The following SLC27A2 variants were observed in gnomAD, a reference collection of about 807,000 sequenced individuals.
SLC27A2 encodes the protein long-chain fatty acid transport protein 2.
Under a neutral mutation model 60.0 loss-of-function variants are expected in SLC27A2, and 54 were observed. The ratio of observed to expected loss-of-function variants is 0.90; its 90% confidence interval spans 0.72 to 1.13. The LOEUF (loss-of-function observed/expected upper bound fraction) is 1.13. Ranked by LOEUF, SLC27A2 falls within the 50% of genes most tolerant of loss-of-function variation. The probability of loss-of-function intolerance (pLI) is 0.00; values close to 1 mark genes in which losing one functional copy is unlikely to be tolerated. For missense variants in SLC27A2, 739 were observed against 777.6 expected (o/e 0.95, Z 0.59); for synonymous variants, 297 against 297.6 (o/e 1.00, Z 0.02).
intron 4 of SLC27A2, among the ~76,000 whole-genome samples, chr15:50,213,195 A>G (rs752913840): frequency 6.6e-6 from 1 of 152,236 alleles, no homozygotes; most frequent in Non-Finnish European, 1.5e-5. Context: ...AACAGTGGTT[A>G]AAAGAGACAA....
rs370267354 is a variant in SLC27A2, at chr15:50,203,446, T to A, written c.847+801T>A. ...CAGACTTTACTATTCAAATTGGAGT[T>A]GCCATCCTCTCTCCTTCCAGGAGGA... On this transcript the variant is annotated intron_variant, in intron 3 of 9. Transcript: ENST00000267842. Among the ~76,000 whole-genome samples, 154 of 152,298 alleles carry A rather than the reference T, an allele frequency of 1.0e-3. 1 individual carries two copies. Among genetic ancestry groups the A allele is most frequent in the African/African-American group, 3.4e-3 (143 of 41,570 alleles).
chr15:50,227,130 A>G lies in SLC27A2; in HGVS notation c.1409A>G (p.Asp470Gly). Reference sequence around the variant, plus strand: ...AACAGTGGAGATCTCTTAATGGTTGACCATGAAAATTTCATCTATTTCCAC... The same window carrying G: ...AACAGTGGAGATCTCTTAATGGTTGGCCATGAAAATTTCATCTATTTCCAC... ...YFNSGDLLMV[D>G]HENFIYFHDR... The change falls in exon 7 of 10, where the codon GAC becomes GGC. Residue 470 changes from aspartate (D) to glycine (G), a missense_variant. Asp to Gly is a moderately conservative substitution (Grantham distance 94, BLOSUM62 -1). Coordinates refer to ENST00000267842, the MANE Select transcript of SLC27A2 (RefSeq NM_003645.4). 6.2e-7 allele frequency: 1 copy of G among 1,613,760 alleles called. No individual in the cohort carries two copies. Among genetic ancestry groups the G allele is most frequent in the Non-Finnish European group, 8.5e-7 (1 of 1,179,892 alleles).
chr15:50,203,154 C>A (rs1189145778), intron 3 of SLC27A2, among the ~76,000 whole-genome samples: 1 of 152,004 alleles, frequency 6.6e-6, no homozygotes, highest in Non-Finnish European at 1.5e-5. Flanking sequence ...CACCACTGCA[C>A]TCCAGCCTGG....
At chr15:50,185,904 C>T (rs979400548) in intron 1 of SLC27A2, among the ~76,000 whole-genome samples, 1 of 151,918 alleles carries the variant, frequency 6.6e-6, no homozygotes, top group Non-Finnish European at 1.5e-5. Context: ...GCTGGGATTA[C>T]AGGCGTGAGC....
intron 1 of SLC27A2, among the ~76,000 whole-genome samples, chr15:50,193,452 G>C (rs774090614): frequency 5.3e-4 from 80 of 152,302 alleles, no homozygotes; most frequent in Non-Finnish European, 4.7e-4. Flanking sequence ...ATGTTGGGAG[G>C]GAGGGAATGA....
chr15:50,190,170 A>G (rs534169723), intron 1 of SLC27A2, among the ~76,000 whole-genome samples: 4 of 152,338 alleles, frequency 2.6e-5, no homozygotes, highest in South Asian at 4.1e-4. Context: ...CAAACTGCCA[A>G]TGATTGAGAT....
chr15:50,183,269 CT>C (rs1180510377), intron 1 of SLC27A2, among the ~76,000 whole-genome samples: 3 of 152,208 alleles, frequency 2.0e-5, no homozygotes, highest in Admixed American at 6.5e-5. Context: ...CTTATAACAT[CT>C]GCATTAAAAT....
chr15:50,190,383 C>A (rs928822046), intron 1 of SLC27A2, among the ~76,000 whole-genome samples: 1 of 151,972 alleles, frequency 6.6e-6, no homozygotes, highest in African/African-American at 2.4e-5. Context: ...TGGACCTTAC[C>A]TTCTTGGTAA....
chr15:50,233,048 G>A (rs182574099), intron 8 of SLC27A2, among the ~76,000 whole-genome samples: 1 of 152,110 alleles, frequency 6.6e-6, no homozygotes, highest in Non-Finnish European at 1.5e-5. Flanking sequence ...TCACAAGAAG[G>A]CAGTGGTAAT....
chr15:50,221,039 AC>A (rs2045238464), intron 4 of SLC27A2, among the ~76,000 whole-genome samples: 2 of 152,082 alleles, frequency 1.3e-5, no homozygotes, highest in Non-Finnish European at 2.9e-5. Flanking sequence ...CTTCATCTCT[AC>A]AAAATTAATA....
chr15:50,205,557 A>C (rs1384809382), intron 4 of SLC27A2, among the ~76,000 whole-genome samples, 194 bp downstream of exon 4: 1 of 152,100 alleles, frequency 6.6e-6, no homozygotes, highest in Non-Finnish European at 1.5e-5. Context: ...TATTATTATT[A>C]TGATGATGAT....
At chr15:50,219,867 CGAA>C (rs2045230889) in intron 4 of SLC27A2, among the ~76,000 whole-genome samples, 1 of 152,014 alleles carries the variant, frequency 6.6e-6, no homozygotes, top group African/African-American at 2.4e-5. Context: ...TCTAATGTGA[CGAA>C]GAAGGTTTTT....
At chr15:50,190,745 T>C (rs749358918) in intron 1 of SLC27A2, among the ~76,000 whole-genome samples, 2 of 152,308 alleles carry the variant, frequency 1.3e-5, no homozygotes, top group Non-Finnish European at 2.9e-5. Flanking sequence ...CACCCAAGTG[T>C]GTGCTCTTTC....
chr15:50,195,903 A>C (rs1270693782), intron 1 of SLC27A2, among the ~76,000 whole-genome samples: 1 of 149,330 alleles, frequency 6.7e-6, no homozygotes, highest in African/African-American at 2.5e-5. Flanking sequence ...AAAATACAAA[A>C]AATTAACTGG....
At chr15:50,186,729 T>C (rs150116830) in intron 1 of SLC27A2, among the ~76,000 whole-genome samples, 1 of 152,358 alleles carries the variant, frequency 6.6e-6, no homozygotes, top group African/African-American at 2.4e-5. Context: ...GAGCCACTGC[T>C]ACTGGCCTTC....
intron 1 of SLC27A2, among the ~76,000 whole-genome samples, chr15:50,193,373 A>G (rs2044990092): frequency 2.0e-5 from 3 of 152,164 alleles, no homozygotes. Context: ...CGTTTTGCTC[A>G]CTGTCATATC....
intron 4 of SLC27A2, among the ~76,000 whole-genome samples, chr15:50,217,922 T>C (rs1188642306): frequency 3.3e-5 from 5 of 151,416 alleles, no homozygotes; most frequent in Admixed American, 3.3e-4. Context: ...GGCACGGTGG[T>C]GGGCGCCAGT....
At chr15:50,234,674 A>G (rs2045338966) in intron 9 of SLC27A2, among the ~76,000 whole-genome samples, 1 of 151,734 alleles carries the variant, frequency 6.6e-6, no homozygotes, top group African/African-American at 2.4e-5. Context: ...CAGGAGGATT[A>G]GTTGAGCCTG....
Position 50,197,661 on chromosome 15 carries a change from G to A in SLC27A2, c.640G>A (p.Val214Ile). The A allele has an allele frequency of 6.2e-7, 1 of 1,614,064 alleles. No individual in the cohort carries two copies. Among genetic ancestry groups the A allele is most frequent in the Non-Finnish European group, 8.5e-7 (1 of 1,179,986 alleles). Residue 214 changes from valine (V) to isoleucine (I), a missense_variant, in exon 2 of 10, where the codon GTC becomes ATC. Val to Ile is a conservative substitution (Grantham distance 29). Coordinates refer to ENST00000267842, the MANE Select transcript of SLC27A2 (RefSeq NM_003645.4). ...TATCCCAGAGTCATGGAGGTCTGAA[G>A]TCACTTTTTCCACTCCTGCCTTATA... ...EPIPESWRSE[V>I]TFSTPALYIY... is the part of the protein sequence containing the mutation.
Sources: gnomAD v4.1 joint callset for allele counts (sites outside exome capture counted in the v4.1 genomes callset) on GRCh38, gnomAD v4.1.1 for gene constraint, MANE v1.5 for transcripts, NCBI Gene and HGNC (gene_info 2026-07-23, HGNC 2026-07-21) for gene names.